Variants in APOB observed in about 807,000 individuals in gnomAD.
The protein encoded by APOB is apolipoprotein B.
In APOB, 153 loss-of-function variants were observed where a neutral mutation model predicts 314.1. The observed-to-expected ratio is 0.49, with a 90% CI of 0.43 to 0.56. APOB has a LOEUF of 0.56. APOB is among the 20% of genes least tolerant of loss of function. The pLI is 0.00. For synonymous variants in APOB, 2,087 were observed against 2,036.4 expected, an observed-to-expected ratio of 1.02 and a Z score of -0.67; for missense variants, 5,430 against 5,350.7, an observed-to-expected ratio of 1.01 and a Z score of -0.46.
intron 11 of APOB, 46 bp from the exon 12 acceptor site, chr2:21,029,831 G>A (rs1373394711): frequency 6.2e-7 from 1 of 1,612,408 alleles, no homozygotes; most frequent in African/African-American, 1.3e-5. Context: ...TGCAGGAGAG[G>A]GAAGTAAAAG....
chr2:21,027,650 GA>G, intron 14 of APOB, among the ~76,000 whole-genome samples, 177 bp downstream of exon 14: 2 of 152,282 alleles, frequency 1.3e-5, no homozygotes, highest in South Asian at 4.1e-4. Context: ...TGCTTCAGGT[GA>G]CCCCTAGCGG....
chr2:21,001,674 T>C lies in APOB; in HGVS notation c.*56A>G. The C allele has an allele frequency of 1.3e-6, 2 of 1,573,282 alleles. No individual in the cohort carries two copies. The highest frequency in any genetic ancestry group is 1.1e-5 in the South Asian group (1 of 89,718). On this transcript the variant is annotated 3_prime_UTR_variant, in exon 29 of 29. Transcript: ENST00000233242. Reference sequence around the variant, plus strand: ...ATATAGGCAGTTTGAATTTTTTCTGTGCTATGTGAAAGTTCAATTGGAAAA... The same window carrying C: ...ATATAGGCAGTTTGAATTTTTTCTGCGCTATGTGAAAGTTCAATTGGAAAA...
rs1230721951 is a variant in APOB at position 21,016,454 on chromosome 2, A to G, written c.3317T>C (p.Leu1106Pro). ...IQNKKITEVA[L>P]MGHLSCDTKE... Reference sequence around the variant, plus strand: ...CCTTCTTTACCTTAGGTGGCCCATGAGGGCGACCTCAGTAATTTTCTTGTT... The same window carrying G: ...CCTTCTTTACCTTAGGTGGCCCATGGGGGCGACCTCAGTAATTTTCTTGTT... Residue 1106 changes from leucine (L) to proline (P), a missense_variant, in exon 21 of 29, where the codon CTC becomes CCC. Leu to Pro is a moderately conservative substitution (Grantham distance 98). Coordinates refer to ENST00000233242, the MANE Select transcript of APOB (RefSeq NM_000384.3). 6.2e-7 allele frequency: 1 copy of G among 1,602,392 alleles called. No homozygotes were observed. The highest frequency in any genetic ancestry group is 2.2e-5 in the East Asian group (1 of 44,800).
chr2:21,033,803 G>A (rs1196507341), intron 8 of APOB, among the ~76,000 whole-genome samples: 3 of 152,146 alleles, frequency 2.0e-5, no homozygotes, highest in Admixed American at 1.3e-4. Flanking sequence ...GCTCATCCCT[G>A]GATCTCAGCT....
Position 21,004,438 on chromosome 2 carries a change from T to C in APOB, c.11918A>G (p.Lys3973Arg), listed in dbSNP as rs2103349587. 1.2e-6 allele frequency: 2 copies of C among 1,614,014 alleles called. No homozygotes were observed. Among genetic ancestry groups the C allele is most frequent in the Non-Finnish European group, 1.7e-6 (2 of 1,179,924 alleles). The change falls in exon 28 of 29, where the codon AAA becomes AGA. Residue 3973 changes from lysine (K) to arginine (R), a missense_variant. By Grantham distance (26) the Lys-to-Arg change is conservative. Coordinates refer to ENST00000233242, the MANE Select transcript of APOB (RefSeq NM_000384.3). ...KYEGLQEWEGKAHLNIKSPAF... is the reference protein window; with the variant it reads ...KYEGLQEWEGRAHLNIKSPAF... Reference sequence around the variant, plus strand: ...TGGGCTTTTGATATTGAGGTGCGCTTTTCCTTCCCATTCCCTGAAAGCAGA... The same window carrying C: ...TGGGCTTTTGATATTGAGGTGCGCTCTTCCTTCCCATTCCCTGAAAGCAGA...
Position 21,002,978 on chromosome 2 carries a change from G to A in APOB, c.12444C>T (p.Ala4148=), listed in dbSNP as rs757789853. 1.9e-6 allele frequency: 3 copies of A among 1,596,056 alleles called. No individual in the cohort carries two copies. Among genetic ancestry groups the A allele is most frequent in the Non-Finnish European group, 2.6e-6 (3 of 1,169,826 alleles). The part of the protein sequence containing the change: ...TGTYQEWKDK[A]QNLYQELLTQ... ...TCAACAGTTCCTGGTACAGATTCTGGGCCTTGTCCTTCCACTCTTGGTAGG... is the reference window on the plus strand; with the variant it reads ...TCAACAGTTCCTGGTACAGATTCTGAGCCTTGTCCTTCCACTCTTGGTAGG... The change falls in exon 29 of 29, where the codon GCC becomes GCT. Residue 4148 remains alanine (A), a synonymous_variant. Transcript: ENST00000233242.
intron 14 of APOB, among the ~76,000 whole-genome samples, 153 bp downstream of exon 14, chr2:21,027,675 C>T (rs974189323): frequency 3.3e-5 from 5 of 152,018 alleles, no homozygotes; most frequent in African/African-American, 7.3e-5. Flanking sequence ...GAGAGGAAGG[C>T]GGGGAAGGAG....
intron 15 of APOB, among the ~76,000 whole-genome samples, chr2:21,026,548 C>CA (rs1266374167): frequency 6.6e-6 from 1 of 152,046 alleles, no homozygotes; most frequent in East Asian, 1.9e-4. Flanking sequence ...ACACCCAGCC[C>CA]AGAGTTCATA....
rs966624272 is a variant in APOB, at chr2:21,042,457, C to T, written c.141G>A (p.Lys47=). 11 of 1,614,112 alleles carry T rather than the reference C, an allele frequency of 6.8e-6. No homozygotes were observed. The highest frequency in any genetic ancestry group is 4.5e-5 in the East Asian group (2 of 44,888). ...AGTTGTATGTGTACTTCCGGAGGTG[C>T]TTGAATCGGGTCGCATCTTCTAACG... ...LVCPKDATRF[K]HLRKYTYNYE... is the part of the protein sequence containing the mutation. Residue 47 remains lysine (K), a synonymous_variant, in exon 3 of 29, where the codon AAG becomes AAA. Coordinates refer to ENST00000233242, the MANE Select transcript of APOB (RefSeq NM_000384.3).
chr2:21,022,250 G>A (rs1663625849), intron 18 of APOB, among the ~76,000 whole-genome samples: 1 of 152,164 alleles, frequency 6.6e-6, no homozygotes, highest in African/African-American at 2.4e-5. Flanking sequence ...TTACAGGCAT[G>A]AACCACCGTG....
chr2:21,009,623 A>G lies in APOB; in HGVS notation c.7245T>C (p.Asp2415=). 2.5e-6 allele frequency: 4 copies of G among 1,613,894 alleles called. No homozygotes were observed. The highest frequency in any genetic ancestry group is 3.4e-6 in the Non-Finnish European group (4 of 1,179,866). The change falls in exon 26 of 29, where the codon GAT becomes GAC. Residue 2415 remains aspartate (D), a synonymous_variant. Coordinates refer to ENST00000233242, the MANE Select transcript of APOB (RefSeq NM_000384.3). The stretch of plus-strand genomic sequence containing the variant: ...TCAACATGTCAAGGAATTTGTTAAC[A>G]TCTTCAATGAATGTTTTAAAAGATA... ...NELSFKTFIE[D]VNKFLDMLIK...
Position 21,008,738 on chromosome 2 carries a change from G to T in APOB, c.8130C>A (p.Asp2710Glu), listed in dbSNP as rs1663221703. The change falls in exon 26 of 29, where the codon GAC (aspartate) becomes GAA (glutamate). Residue 2710 changes from aspartate to glutamate, a missense_variant. Asp to Glu is a conservative substitution (Grantham distance 45). Coordinates refer to ENST00000233242, the MANE Select transcript of APOB (RefSeq NM_000384.3). ...GAATTGCGATTTCTGGTAAACGGAA[G>T]TCTGGCAGGGTGATTCTCGCTAGAG... is the stretch of plus-strand genomic sequence containing the variant. ...DIPLARITLP[D>E]FRLPEIAIPE... is the part of the protein sequence containing the mutation. 6.2e-7 allele frequency: 1 copy of T among 1,614,118 alleles called. No homozygotes were observed. The highest frequency in any genetic ancestry group is 1.1e-5 in the South Asian group (1 of 91,090).
intron 8 of APOB, 60 bp from the exon 9 acceptor site, chr2:21,033,578 C>T: frequency 7.1e-7 from 1 of 1,414,178 alleles, no homozygotes; most frequent in Admixed American, 1.7e-5. Context: ...ATATCTTTGT[C>T]TACTGGAAGC....
rs1287133472 is a variant in APOB, at chr2:21,037,236, C to T, written c.557G>A (p.Cys186Tyr). Reference protein sequence around the residue: ...VLFLDTVYGNCSTHFTVKTRK... With the variant: ...VLFLDTVYGNYSTHFTVKTRK... Reference sequence around the variant, plus strand: ...CGTCTTGACGGTAAAGTGAGTGGAGCAGTTTCCATACACGGTATCCTATGG... The same window carrying T: ...CGTCTTGACGGTAAAGTGAGTGGAGTAGTTTCCATACACGGTATCCTATGG... The change falls in exon 6 of 29, where the codon TGC becomes TAC. Residue 186 changes from cysteine (C) to tyrosine (Y), a missense_variant. Coordinates refer to ENST00000233242, the MANE Select transcript of APOB (RefSeq NM_000384.3). The T allele has an allele frequency of 6.2e-7, 1 of 1,613,962 alleles. No individual in the cohort carries two copies. The highest frequency in any genetic ancestry group is 8.5e-7 in the Non-Finnish European group (1 of 1,180,008).
Position 21,028,427 on chromosome 2 carries a change from T to C in APOB, c.1729A>G (p.Ile577Val), listed in dbSNP as rs1663794724. The C allele has an allele frequency of 6.2e-7, 1 of 1,614,140 alleles. No homozygotes were observed. The highest frequency in any genetic ancestry group is 8.5e-7 in the Non-Finnish European group (1 of 1,179,994). Residue 577 changes from isoleucine (I) to valine (V), a missense_variant, in exon 13 of 29, where the codon ATT becomes GTT. By Grantham distance (29) the Ile-to-Val change is conservative. Around this residue, in one of 3 missense-constraint regions of APOB, gnomAD observed 2,085 missense variants for 2,079.7 expected, o/e 1.00. Transcript: ENST00000233242. ...TGTTCCCATGGTAGAATTTGGACAA[T>C]TTTGTTAATATCTGCCTGTGAAGGA... ...RSPSQADINKIVQILPWEQNE... is the reference protein window; with the variant it reads ...RSPSQADINKVVQILPWEQNE...
At position 21,011,096 on chromosome 2, in the gene APOB, A is replaced by G; in HGVS notation, c.5772T>C (p.Thr1924=). The G allele has an allele frequency of 6.2e-7, 1 of 1,614,230 alleles. No homozygotes were observed. The highest frequency in any genetic ancestry group is 8.5e-7 in the Non-Finnish European group (1 of 1,180,030). Residue 1924 remains threonine (T), a synonymous_variant, in exon 26 of 29, where the codon ACT becomes ACC. Transcript: ENST00000233242. ...ACAGGAATTTGCTATACAGCTGCCC[A>G]GTATGTTCTCCCCAGAGAGCGAGTT... The part of the protein sequence containing the change: ...NGKLALWGEH[T]GQLYSKFLLK...
At chr2:21,020,209 C>G (rs991034196) in intron 18 of APOB, among the ~76,000 whole-genome samples, 3 of 152,184 alleles carry the variant, frequency 2.0e-5, no homozygotes, top group Admixed American at 2.0e-4. Flanking sequence ...TAGCTGATCA[C>G]TGGGGCTGAA....
At chr2:21,039,077 T>C (rs1445052772) in intron 4 of APOB, among the ~76,000 whole-genome samples, 4 of 152,232 alleles carry the variant, frequency 2.6e-5, no homozygotes, top group Non-Finnish European at 5.9e-5. Flanking sequence ...TATGTGCCTA[T>C]CTTCACACAT....
rs61744288 is a variant in APOB, at chr2:21,006,088, A to G, written c.10780T>C (p.Trp3594Arg). 764 of 1,614,056 alleles carry G rather than the reference A, an allele frequency of 4.7e-4. 2 individuals carry two copies. The African/African-American group carries it at 9.2e-3, about 19-fold the overall frequency. ...TSKATLELSP[W>R]QMSALVQVHA... ...ACCTGAACAAGAGCTGACATTTGCC[A>G]TGGAGAGAGTTCCAGGGTGGCTTTG... Residue 3594 changes from tryptophan to arginine, a missense_variant, in exon 26 of 29, where the codon TGG (tryptophan) becomes CGG (arginine). By Grantham distance (101) the Trp-to-Arg change is moderately radical. Coordinates refer to ENST00000233242, the MANE Select transcript of APOB (RefSeq NM_000384.3).
Sources: gnomAD v4.1 joint callset for allele counts (sites outside exome capture counted in the v4.1 genomes callset) on GRCh38, gnomAD v4.1.1 for gene constraint, gnomAD v4.1.1 regional missense constraint, MANE v1.5 for transcripts, NCBI Gene and HGNC (gene_info 2026-07-23, HGNC 2026-07-21) for gene names.